The following APLP2 variants were observed in gnomAD, a reference collection of about 807,000 sequenced individuals.
APLP2 encodes amyloid beta precursor like protein 2, also known as CDEI box-binding protein.
Under a neutral mutation model 89.9 loss-of-function variants are expected in APLP2, and 53 were observed. The ratio of observed to expected loss-of-function variants is 0.59; its 90% confidence interval spans 0.47 to 0.74. The LOEUF (loss-of-function observed/expected upper bound fraction) is 0.74, where lower values mean the gene tolerates loss of function less well. Ranked by LOEUF, APLP2 falls within the 30% of genes least tolerant of loss-of-function variation. APLP2 has a pLI of 0.00. For missense variants in APLP2, 973 were observed against 975.9 expected (o/e 1.00, Z 0.04); for synonymous variants, 372 against 348.6 (o/e 1.07, Z -0.75).
intron 1 of APLP2, chr11:130,070,765 G>C (rs1940866244): frequency 1.4e-6 from 2 of 1,406,294 alleles, no homozygotes. Context: ...GACCGCTTTC[G>C]TGAGGGTTTC....
At chr11:130,070,119 C>T (rs1940586880) in intron 1 of APLP2, 37 bp downstream of exon 1, 10 of 1,296,360 alleles carry the variant, frequency 7.7e-6, no homozygotes, top group Admixed American at 4.1e-5. Flanking sequence ...TCGTCTCCTT[C>T]GCCCGCCGGA....
intron 1 of APLP2, among the ~76,000 whole-genome samples, chr11:130,077,621 A>AC (rs1942361718): frequency 1.3e-5 from 2 of 152,010 alleles, no homozygotes; most frequent in Non-Finnish European, 1.5e-5. Flanking sequence ...TTAAAAAAAA[A>AC]AACAAAAAAC....
chr11:130,117,031 T>C (rs1260196841), intron 3 of APLP2, among the ~76,000 whole-genome samples: 5 of 152,046 alleles, frequency 3.3e-5, no homozygotes, highest in Non-Finnish European at 7.4e-5. Context: ...CTCAGGAGGC[T>C]GAAGCAGAAG....
chr11:130,119,456 C>A (rs1341110936), intron 3 of APLP2, among the ~76,000 whole-genome samples: 1 of 152,172 alleles, frequency 6.6e-6, no homozygotes, highest in Admixed American at 6.5e-5. Context: ...GACGATGATA[C>A]CGTTCACCCT....
chr11:130,141,524 G>A lies in APLP2; in HGVS notation c.1950G>A (p.Lys650=). Residue 650 remains lysine (K), a synonymous_variant, in exon 15 of 17, where the codon AAG becomes AAA. Transcript: ENST00000338167. The surrounding 1 kb of genome is among the most constrained non-coding windows in gnomAD (Gnocchi z 4.2). The stretch of plus-strand genomic sequence containing the variant: ...TCATTGACGAGACTCTGGATGTTAA[G>A]GAAATGATTTTCAATGCCGAGAGAG... ...NMVIDETLDV[K]EMIFNAERVG... The A allele has an allele frequency of 6.2e-7, 1 of 1,614,066 alleles. No homozygotes were observed. Among genetic ancestry groups the A allele is most frequent in the Non-Finnish European group, 8.5e-7 (1 of 1,180,022 alleles).
intron 1 of APLP2, among the ~76,000 whole-genome samples, chr11:130,093,622 T>C (rs1162341153): frequency 6.6e-6 from 1 of 152,218 alleles, no homozygotes; most frequent in Non-Finnish European, 1.5e-5. Context: ...GGACTGTGTG[T>C]GTCCAGGCCA....
At chr11:130,071,044 C>A (rs962014426) in intron 1 of APLP2, among the ~76,000 whole-genome samples, 4 of 152,214 alleles carry the variant, frequency 2.6e-5, no homozygotes, top group Non-Finnish European at 1.5e-5. Flanking sequence ...CTTCCCTTCT[C>A]GAAGTGGTGC....
At chr11:130,098,128 C>A (rs996165906) in intron 1 of APLP2, among the ~76,000 whole-genome samples, 5 of 152,106 alleles carry the variant, frequency 3.3e-5, no homozygotes, top group Admixed American at 6.5e-5. Flanking sequence ...GATATTTGGC[C>A]GGGCGCGGTG....
rs568030003 is a variant in APLP2, at chr11:130,141,080, G to T, written c.1924-418G>T. ...CGCCACCACGCCTGGCTAATTTTTT[G>T]TATTTTTAGTAGAGACGAGGTTTCA... On this transcript the variant is annotated intron_variant, in intron 14 of 16. Coordinates refer to ENST00000338167, the MANE Select transcript of APLP2 (RefSeq NM_001142276.2). The surrounding 1 kb of genome is among the most constrained non-coding windows in gnomAD (Gnocchi z 4.2). The T allele has an allele frequency of 2.3e-3, 372 of 158,524 alleles. 5 individuals are homozygous for T. The highest frequency in any genetic ancestry group is 4.0e-3 in the Non-Finnish European group (286 of 72,056). The allele number at this position is 158,524 out of a possible 1,614,324, so 9.8% of individuals were successfully genotyped here.
chr11:130,133,666 A>G lies in APLP2; in HGVS notation c.1622A>G (p.Asn541Ser), dbSNP rs770793023. The G allele has an allele frequency of 3.1e-5, 50 of 1,614,074 alleles. No homozygotes were observed. The highest frequency in any genetic ancestry group is 3.2e-5 in the Non-Finnish European group (38 of 1,180,018). The change falls in exon 12 of 17, where the codon AAC becomes AGC. Residue 541 changes from asparagine (N) to serine (S), a missense_variant. Asn to Ser is a conservative substitution (Grantham distance 46). Coordinates refer to ENST00000338167, the MANE Select transcript of APLP2 (RefSeq NM_001142276.2). ...THLHVIEERR[N>S]QSLSLLYKVP... ...CTCCACGTGATTGAAGAAAGGAGGA[A>G]CCAAAGCCTCTCTCTGCTCTACAAA...
At chr11:130,109,304 G>A (rs2135786962) in intron 1 of APLP2, 125 bp from the exon 2 acceptor site, 1 of 820,776 alleles carries the variant, frequency 1.2e-6, no homozygotes, top group Admixed American at 3.5e-5. Context: ...GGATTTGTTT[G>A]TGAAGATACA....
chr11:130,129,416 T>C (rs905862158), intron 10 of APLP2, among the ~76,000 whole-genome samples: 1 of 152,234 alleles, frequency 6.6e-6, no homozygotes, highest in Non-Finnish European at 1.5e-5. Flanking sequence ...GTATACCACC[T>C]GTGATGTGAA....
intron 1 of APLP2, among the ~76,000 whole-genome samples, chr11:130,079,192 G>A (rs538291255): frequency 2.6e-5 from 4 of 152,004 alleles, no homozygotes; most frequent in South Asian, 2.1e-4. Flanking sequence ...TTTGTCTCCC[G>A]GGTTCAAGCG....
At chr11:130,109,183 G>T (rs572878057) in intron 1 of APLP2, 120 of 245,598 alleles carry the variant, frequency 4.9e-4, no homozygotes, top group Non-Finnish European at 6.2e-4. Context: ...ATGTTCCCTA[G>T]AACTTAAAAT....
rs73041248 is a variant in APLP2 at position 130,092,850 on chromosome 11, A to C, written c.106-16579A>C. The stretch of plus-strand genomic sequence containing the variant: ...AATCTTGAAGATGGCAAACAGACTG[A>C]GCCAGCAAATCAGAAAAGGCTGAGA... On this transcript the variant is annotated intron_variant, in intron 1 of 16. Coordinates refer to ENST00000338167, the MANE Select transcript of APLP2 (RefSeq NM_001142276.2). 3.1e-3 allele frequency among the ~76,000 whole-genome samples: 471 copies of C among 152,080 alleles called. 2 individuals carry two copies. Among genetic ancestry groups the C allele is most frequent in the Admixed American group, 6.7e-3 (102 of 15,282 alleles).
intron 1 of APLP2, chr11:130,100,206 G>T (rs1486182260): frequency 2.0e-5 from 3 of 152,218 alleles, no homozygotes; most frequent in Non-Finnish European, 2.9e-5. Context: ...AGTGATGGAG[G>T]TGGAACTCTG....
At chr11:130,083,021 CTTTTCTTTTTTTT>C (rs1346936263) in intron 1 of APLP2, among the ~76,000 whole-genome samples, 3 of 79,980 alleles carry the variant, frequency 3.8e-5, no homozygotes, top group African/African-American at 1.5e-4. Context: ...TGAAACTTTT[CTTTTCTTTTTTTT>C]TTTTTTTTTT....
In APLP2 at chr11:130,141,964, G is replaced by A. The variant is rs1347086802; in HGVS notation, c.2044G>A (p.Ala682Thr). 22 of 1,614,062 alleles carry A rather than the reference G, an allele frequency of 1.4e-5. No individual in the cohort carries two copies. The highest frequency in any genetic ancestry group is 1.9e-5 in the Non-Finnish European group (22 of 1,179,970). Residue 682 changes from alanine (A) to threonine (T), a missense_variant, in exon 16 of 17, where the codon GCT becomes ACT. Physicochemically the swap from Ala to Thr is moderately conservative, Grantham distance 58 (BLOSUM62 0). Transcript: ENST00000338167. This position sits in a 1 kb window ranked among gnomAD's most constrained non-coding sequence, Gnocchi z 4.2. Reference sequence around the variant, plus strand: ...GGAGGACTTCAGTCTGAGTAGCAGTGCTCTCATTGGCCTGCTGGTCATCGC... The same window carrying A: ...GGAGGACTTCAGTCTGAGTAGCAGTACTCTCATTGGCCTGCTGGTCATCGC... ...LREDFSLSSS[A>T]LIGLLVIAVA...
intron 3 of APLP2, among the ~76,000 whole-genome samples, chr11:130,119,437 C>T (rs1259886007): frequency 2.0e-5 from 3 of 152,148 alleles, no homozygotes; most frequent in African/African-American, 7.2e-5. Flanking sequence ...CAAACATGGC[C>T]AAACAAGAGA....
Sources: gnomAD v4.1 joint callset for allele counts (sites outside exome capture counted in the v4.1 genomes callset) on GRCh38, gnomAD v4.1.1 for gene constraint, Gnocchi (gnomAD v3.1) non-coding constraint, MANE v1.5 for transcripts, NCBI Gene and HGNC (gene_info 2026-07-23, HGNC 2026-07-21) for gene names.